Variants in LRRC49 observed in about 807,000 individuals in gnomAD.
LRRC49 encodes leucine rich repeat containing 49.
Under a neutral mutation model 83.3 loss-of-function variants are expected in LRRC49, and 50 were observed. The ratio of observed to expected loss-of-function variants is 0.60; its 90% confidence interval spans 0.48 to 0.76. LRRC49 has a LOEUF of 0.76. LRRC49 is among the 30% of genes least tolerant of loss of function. The probability of loss-of-function intolerance (pLI) is 0.00; values close to 1 mark genes in which losing one functional copy is unlikely to be tolerated. For synonymous variants in LRRC49, 286 were observed against 283.3 expected (o/e 1.01, Z -0.10); for missense variants, 704 against 809.1 (o/e 0.87, Z 1.58).
intron 6 of LRRC49, among the ~76,000 whole-genome samples, chr15:70,912,665 T>TTTTA (rs563678548): frequency 0.014 from 2,069 of 151,474 alleles, 44 homozygotes; most frequent in African/African-American, 0.041. Context: ...TCTATATTTA[T>TTTTA]TTTATTTATT....
At chr15:70,996,851 T>G (rs78748906) in intron 11 of LRRC49, among the ~76,000 whole-genome samples, 4,059 of 152,294 alleles carry the variant, frequency 0.027, 194 homozygotes, top group African/African-American at 0.093. Context: ...TTTTCCAGTG[T>G]TTGTTTAAGA....
rs114296554 is a variant in LRRC49, at chr15:71,006,455, C to T, written c.1170-1924C>T. 4.5e-3 allele frequency among the ~76,000 whole-genome samples: 687 copies of T among 152,222 alleles called. 7 individuals are homozygous for T. Among genetic ancestry groups the T allele is most frequent in the African/African-American group, 0.016 (668 of 41,572 alleles). ...TTTGCTGGTTACTGTGGCCATCAGGCGTCCCTATGTGGGTAAACCTTCTTG... is the reference window on the plus strand; with the variant it reads ...TTTGCTGGTTACTGTGGCCATCAGGTGTCCCTATGTGGGTAAACCTTCTTG... On this transcript the variant is annotated intron_variant, in intron 11 of 15. Transcript: ENST00000260382.
At chr15:70,887,102 C>T (rs2033430532) in intron 2 of LRRC49, among the ~76,000 whole-genome samples, 1 of 151,984 alleles carries the variant, frequency 6.6e-6, no homozygotes. Flanking sequence ...CTCTGAATAA[C>T]CTTATAACAA....
At chr15:70,860,691 A>T (rs1313097957) in intron 1 of LRRC49, among the ~76,000 whole-genome samples, 1 of 152,210 alleles carries the variant, frequency 6.6e-6, no homozygotes, top group Non-Finnish European at 1.5e-5. Flanking sequence ...TCTGCCCTAT[A>T]GTTTATTTCT....
intron 8 of LRRC49, among the ~76,000 whole-genome samples, chr15:70,961,007 A>G (rs1350623022): frequency 1.3e-5 from 2 of 152,220 alleles, no homozygotes; most frequent in Non-Finnish European, 2.9e-5. Context: ...CCACAGACTG[A>G]GATAAATATT....
chr15:70,995,941 G>A (rs1182250117), intron 11 of LRRC49, among the ~76,000 whole-genome samples: 1 of 152,068 alleles, frequency 6.6e-6, no homozygotes, highest in Non-Finnish European at 1.5e-5. Flanking sequence ...AAAGAGTTTG[G>A]GAGAGATGGG....
At chr15:70,936,625 C>A (rs2035608467) in intron 7 of LRRC49, 136 bp from the exon 8 acceptor site, 2 of 623,528 alleles carry the variant, frequency 3.2e-6, no homozygotes, top group Non-Finnish European at 2.9e-6. Context: ...GTGGAGCTCA[C>A]TGTCCAGTAG....
At chr15:70,960,945 A>T (rs1662816385) in intron 8 of LRRC49, among the ~76,000 whole-genome samples, 1 of 152,216 alleles carries the variant, frequency 6.6e-6, no homozygotes, top group Non-Finnish European at 1.5e-5. Flanking sequence ...CATCATTAAA[A>T]TTAGAAACAT....
intron 11 of LRRC49, among the ~76,000 whole-genome samples, chr15:71,006,403 T>C (rs959689481): frequency 5.9e-5 from 9 of 152,114 alleles, no homozygotes; most frequent in African/African-American, 1.9e-4. Context: ...ATAACTCTGA[T>C]TCCCCATCAT....
intron 11 of LRRC49, among the ~76,000 whole-genome samples, chr15:71,002,514 T>G (rs1280585162): frequency 4.0e-5 from 6 of 151,520 alleles, no homozygotes; most frequent in Non-Finnish European, 4.4e-5. Flanking sequence ...GGTGTAATGT[T>G]TTTTTTTTGC....
chr15:70,952,192 T>C (rs1240881588), intron 8 of LRRC49, among the ~76,000 whole-genome samples: 4 of 152,054 alleles, frequency 2.6e-5, no homozygotes, highest in African/African-American at 4.8e-5. Flanking sequence ...TACATCTGTG[T>C]TCATCAGGGA....
At chr15:70,985,747 G>T (rs981328198) in intron 11 of LRRC49, among the ~76,000 whole-genome samples, 3 of 150,102 alleles carry the variant, frequency 2.0e-5, no homozygotes, top group Non-Finnish European at 4.4e-5. Flanking sequence ...TTCTTCTAGG[G>T]TTTTTATGGT....
intron 8 of LRRC49, among the ~76,000 whole-genome samples, chr15:70,960,865 G>A (rs2036579933): frequency 6.6e-6 from 1 of 152,060 alleles, no homozygotes; most frequent in Non-Finnish European, 1.5e-5. Context: ...GACAACCTTG[G>A]ATTTGGCAAT....
intron 9 of LRRC49, among the ~76,000 whole-genome samples, chr15:70,974,287 A>G (rs2037126170): frequency 6.6e-6 from 1 of 152,210 alleles, no homozygotes; most frequent in Admixed American, 6.5e-5. Context: ...GGAGTGCTAT[A>G]GACAGTGTTT....
At chr15:70,986,695 G>T (rs1337351164) in intron 11 of LRRC49, among the ~76,000 whole-genome samples, 1 of 152,088 alleles carries the variant, frequency 6.6e-6, no homozygotes, top group Non-Finnish European at 1.5e-5. Flanking sequence ...GTGAGAGAGG[G>T]CATCCCTGTC....
Position 70,894,465 on chromosome 15 carries a change from A to C in LRRC49, c.105+825A>C, listed in dbSNP as rs991562793. ...TGAATATGAGATTTTTTTCCCCAAGATTATTTCCCCATAATGTCTCTAGCA... is the reference window on the plus strand; with the variant it reads ...TGAATATGAGATTTTTTTCCCCAAGCTTATTTCCCCATAATGTCTCTAGCA... On this transcript the variant is annotated intron_variant, in intron 2 of 15. Coordinates refer to ENST00000260382, the MANE Select transcript of LRRC49 (RefSeq NM_017691.5). 25 of 343,510 alleles carry C rather than the reference A, an allele frequency of 7.3e-5. 1 individual carries two copies. The Admixed American group carries it at 1.1e-3, about 16-fold the overall frequency. The allele number at this position is 343,510 out of a possible 1,614,324, so 21.3% of individuals were successfully genotyped here. A position where few individuals can be genotyped will look rare whatever the true frequency, so the allele number is the denominator to read the frequency against.
intron 8 of LRRC49, among the ~76,000 whole-genome samples, chr15:70,956,455 G>A (rs536442953): frequency 1.3e-5 from 2 of 149,372 alleles, no homozygotes; most frequent in Admixed American, 1.3e-4. Flanking sequence ...TTCATTCTTG[G>A]TACTCTAAAG....
At chr15:70,903,257 A>G (rs1016844601) in intron 4 of LRRC49, among the ~76,000 whole-genome samples, 1 of 151,928 alleles carries the variant, frequency 6.6e-6, no homozygotes, top group African/African-American at 2.4e-5. Flanking sequence ...TATATACTAA[A>G]TTTATTGATT....
chr15:71,022,355 A>T (rs558445095), intron 14 of LRRC49, among the ~76,000 whole-genome samples: 1 of 152,334 alleles, frequency 6.6e-6, no homozygotes, highest in Non-Finnish European at 1.5e-5. Context: ...CCTGGGTGAC[A>T]GAGCGAGACC....
Sources: allele counts gnomAD v4.1 joint callset (sites outside exome capture counted in the v4.1 genomes callset), GRCh38; gene constraint gnomAD v4.1.1; transcripts MANE v1.5; gene names NCBI Gene and HGNC (gene_info 2026-07-23, HGNC 2026-07-21).